The following LAMA2 variants were observed in gnomAD, a reference collection of about 807,000 sequenced individuals.
LAMA2 encodes the protein laminin subunit alpha 2.
In LAMA2, 269 loss-of-function variants were observed where a neutral mutation model predicts 364.8. The observed-to-expected ratio is 0.74, with a 90% CI of 0.67 to 0.82. The LOEUF (loss-of-function observed/expected upper bound fraction) is 0.82, where lower values mean the gene tolerates loss of function less well. Among genes scored for constraint, LAMA2 ranks in the 40% least tolerant of loss-of-function variants. The pLI is 0.00. For missense variants in LAMA2, 3,807 were observed against 3,873.2 expected (o/e 0.98, Z 0.45); for synonymous variants, 1,379 against 1,370.6 (o/e 1.01, Z -0.14).
chr6:129,204,617 C>T (rs933241055), intron 12 of LAMA2, among the ~76,000 whole-genome samples: 7 of 152,116 alleles, frequency 4.6e-5, no homozygotes, highest in African/African-American at 1.2e-4. Flanking sequence ...CTAACCCTGC[C>T]GATACCTTGA....
At chr6:129,327,897 G>C (rs1775397561) in intron 28 of LAMA2, among the ~76,000 whole-genome samples, 1 of 152,080 alleles carries the variant, frequency 6.6e-6, no homozygotes, top group Non-Finnish European at 1.5e-5. Flanking sequence ...ACATTTGCTA[G>C]TTATCCATCA....
At chr6:129,143,632 C>T (rs565757271) in intron 4 of LAMA2, among the ~76,000 whole-genome samples, 19 of 151,940 alleles carry the variant, frequency 1.3e-4, no homozygotes, top group South Asian at 2.1e-4. Flanking sequence ...GTCGAATTGA[C>T]GCAGTGCCTT....
At chr6:129,020,598 C>G (rs1176518601) in intron 1 of LAMA2, among the ~76,000 whole-genome samples, 1 of 152,146 alleles carries the variant, frequency 6.6e-6, no homozygotes, top group East Asian at 1.9e-4. Context: ...GATAAAGTCT[C>G]TAAGGTAGCA....
At chr6:129,019,681 T>C (rs886982366) in intron 1 of LAMA2, among the ~76,000 whole-genome samples, 1 of 152,220 alleles carries the variant, frequency 6.6e-6, no homozygotes, top group Non-Finnish European at 1.5e-5. Context: ...TTGATTCTTC[T>C]TTTCCATGAG....
chr6:129,065,312 G>A (rs1245816282), intron 3 of LAMA2, among the ~76,000 whole-genome samples: 1 of 152,138 alleles, frequency 6.6e-6, no homozygotes, highest in Non-Finnish European at 1.5e-5. Flanking sequence ...ACTCAATAGT[G>A]AAAAGCTGAA....
chr6:129,359,221 C>T (rs191950427), intron 32 of LAMA2, among the ~76,000 whole-genome samples: 1 of 149,298 alleles, frequency 6.7e-6, no homozygotes, highest in Admixed American at 6.7e-5. Context: ...AACTTGTTTT[C>T]CCATGTATTA....
chr6:128,918,755 A>G (rs753421317), intron 1 of LAMA2, among the ~76,000 whole-genome samples: 1 of 152,226 alleles, frequency 6.6e-6, no homozygotes, highest in Non-Finnish European at 1.5e-5. Flanking sequence ...AGGGCAAACA[A>G]TATGGGTGCT....
At chr6:128,976,284 G>T (rs1205474260) in intron 1 of LAMA2, among the ~76,000 whole-genome samples, 3 of 152,188 alleles carry the variant, frequency 2.0e-5, no homozygotes, top group Non-Finnish European at 2.9e-5. Context: ...GAGGAAACAA[G>T]AATCCCCACT....
intron 24 of LAMA2, 123 bp from the exon 25 acceptor site, chr6:129,315,353 G>C (rs1188853906): frequency 1.6e-5 from 13 of 825,200 alleles, no homozygotes; most frequent in Admixed American, 2.2e-5. Flanking sequence ...GAGTTCTGTT[G>C]CTTGTGAGAA....
At chr6:129,052,444 G>A (rs1220659424) in intron 2 of LAMA2, among the ~76,000 whole-genome samples, 1 of 151,744 alleles carries the variant, frequency 6.6e-6, no homozygotes, top group Non-Finnish European at 1.5e-5. Flanking sequence ...CACCGCGCCC[G>A]GCCTTTTCTC....
intron 4 of LAMA2, among the ~76,000 whole-genome samples, chr6:129,140,941 T>G (rs949133339): frequency 6.6e-6 from 1 of 152,094 alleles, no homozygotes; most frequent in Non-Finnish European, 1.5e-5. Context: ...TTTATTAACC[T>G]AAATGAGAAT....
At chr6:129,192,294 T>TA (rs1468396022) in intron 11 of LAMA2, among the ~76,000 whole-genome samples, 5 of 152,182 alleles carry the variant, frequency 3.3e-5, no homozygotes, top group Non-Finnish European at 7.4e-5. Flanking sequence ...ACTAGTGGAG[T>TA]AAAAAATACG....
At position 129,143,972 on chromosome 6, in the gene LAMA2, C is replaced by T. The variant is rs369745832; in HGVS notation, c.711C>T (p.Ser237=). 118 of 1,611,972 alleles carry T rather than the reference C, an allele frequency of 7.3e-5. No homozygotes were observed. Among genetic ancestry groups the T allele is most frequent in the Middle Eastern group, 1.6e-4 (1 of 6,070 alleles). Reference sequence around the variant, plus strand: ...CTCCAGAACTGCTAGAATTTACCTCCGCTCGCTATATTCGCCTGAGATTTC... The same window carrying T: ...CTCCAGAACTGCTAGAATTTACCTCTGCTCGCTATATTCGCCTGAGATTTC... The part of the protein sequence containing the change: ...DPSPELLEFT[S]ARYIRLRFQR... The change falls in exon 5 of 65, where the codon TCC becomes TCT. Residue 237 remains serine (S), a synonymous_variant. Transcript: ENST00000421865.
intron 32 of LAMA2, among the ~76,000 whole-genome samples, chr6:129,364,207 G>T (rs1777632347): frequency 1.3e-5 from 2 of 152,290 alleles, no homozygotes; most frequent in South Asian, 4.1e-4. Flanking sequence ...CTCACCTCTA[G>T]CTGCTGTCCT....
chr6:129,098,309 C>T lies in LAMA2; in HGVS notation c.533C>T (p.Thr178Met), dbSNP rs148665727. 7.4e-5 allele frequency: 119 copies of T among 1,614,050 alleles called. No individual in the cohort carries two copies. Among genetic ancestry groups the T allele is most frequent in the African/African-American group, 2.7e-4 (20 of 75,008 alleles). ...YHAVTDTECL[T>M]LYNIYPRTGP... The stretch of plus-strand genomic sequence containing the variant: ...GCTGTGACAGACACGGAGTGCCTAA[C>T]GCTTTACAATATTTATCCCCGCACT... The change falls in exon 4 of 65, where the codon ACG becomes ATG. Residue 178 changes from threonine to methionine, a missense_variant. Physicochemically the swap from Thr to Met is moderately conservative, Grantham distance 81. Coordinates refer to ENST00000421865, the MANE Select transcript of LAMA2 (RefSeq NM_000426.4).
At chr6:129,300,170 C>T (rs9385486) in intron 21 of LAMA2, among the ~76,000 whole-genome samples, 2 of 152,070 alleles carry the variant, frequency 1.3e-5, no homozygotes, top group African/African-American at 4.8e-5. Flanking sequence ...AAATAAAAAT[C>T]GAAAGTATCT....
chr6:128,906,004 T>C (rs1157259578), intron 1 of LAMA2, among the ~76,000 whole-genome samples: 2 of 150,376 alleles, frequency 1.3e-5, no homozygotes, highest in Non-Finnish European at 3.0e-5. Context: ...ATGGTGTATA[T>C]GTGCCACATT....
intron 12 of LAMA2, among the ~76,000 whole-genome samples, chr6:129,223,261 G>T (rs185852861): frequency 1.3e-5 from 2 of 152,110 alleles, no homozygotes; most frequent in African/African-American, 4.8e-5. Context: ...CAGATGAGTA[G>T]ATTGCAAAAA....
chr6:129,285,477 TTGCTATC>T (rs1437159376), intron 18 of LAMA2, among the ~76,000 whole-genome samples: 1 of 152,170 alleles, frequency 6.6e-6, no homozygotes, highest in Admixed American at 6.5e-5. Flanking sequence ...GTCTTATTAA[TTGCTATC>T]TAAGTTAAGA....
Sources: gnomAD v4.1 joint callset for allele counts (sites outside exome capture counted in the v4.1 genomes callset) on GRCh38, gnomAD v4.1.1 for gene constraint, MANE v1.5 for transcripts, NCBI Gene and HGNC (gene_info 2026-07-23, HGNC 2026-07-21) for gene names.